GRIN2B: variants seen among roughly 807,000 people sequenced by gnomAD.
GRIN2B encodes glutamate receptor ionotropic, NMDA 2B.
GRIN2B carries 5 observed loss-of-function variants against 114.5 expected under a neutral mutation model. The observed-to-expected ratio is 0.04, with a 90% confidence interval of 0.02 to 0.09. The LOEUF (loss-of-function observed/expected upper bound fraction) is 0.09. Among genes scored for constraint, GRIN2B ranks in the 10% least tolerant of loss-of-function variants. The pLI is 1.00. For synonymous variants in GRIN2B, 787 were observed against 745.1 expected (o/e 1.06, Z -0.92); for missense variants, 1,108 against 1,943.5 (o/e 0.57, Z 8.08).
chr12:13,977,811 C>A (rs1863054168), intron 2 of GRIN2B, among the ~76,000 whole-genome samples: 1 of 152,180 alleles, frequency 6.6e-6, no homozygotes, highest in Non-Finnish European at 1.5e-5. Context: ...TGAAAAGGCA[C>A]AGACCACCTG....
chr12:13,595,546 G>C (rs1454573291), intron 10 of GRIN2B, among the ~76,000 whole-genome samples: 1 of 152,198 alleles, frequency 6.6e-6, no homozygotes, highest in Admixed American at 6.5e-5. Context: ...GTTGCACCAG[G>C]TAATGGTGCT....
intron 3 of GRIN2B, among the ~76,000 whole-genome samples, chr12:13,801,814 T>C (rs1401853665): frequency 6.6e-6 from 1 of 152,176 alleles, no homozygotes; most frequent in Non-Finnish European, 1.5e-5. Context: ...CTGTCTTACA[T>C]GTCATCCATC....
At chr12:13,826,023 CTTCTT>C (rs890269099) in intron 3 of GRIN2B, among the ~76,000 whole-genome samples, 6 of 151,230 alleles carry the variant, frequency 4.0e-5, no homozygotes, top group Admixed American at 2.6e-4. Flanking sequence ...GTCTTTGTTT[CTTCTT>C]TTTTTTTCTT....
chr12:13,718,684 C>T (rs77076404), intron 4 of GRIN2B, among the ~76,000 whole-genome samples: 8,419 of 152,134 alleles, frequency 0.055, 323 homozygotes, highest in East Asian at 0.17. Context: ...TCTAGACAAT[C>T]ACATGATATC....
intron 3 of GRIN2B, among the ~76,000 whole-genome samples, chr12:13,824,858 A>G (rs1865002862): frequency 6.8e-6 from 1 of 147,262 alleles, no homozygotes; most frequent in Non-Finnish European, 1.5e-5. Context: ...TCCATTTCAA[A>G]AAAAAAAAAA....
At chr12:13,855,555 C>G (rs958215956) in intron 3 of GRIN2B, among the ~76,000 whole-genome samples, 32 of 152,156 alleles carry the variant, frequency 2.1e-4, no homozygotes, top group African/African-American at 5.8e-4. Flanking sequence ...AGGGGAGATT[C>G]CTTCCTTGCC....
At chr12:13,953,823 C>G (rs1471616688) in intron 2 of GRIN2B, among the ~76,000 whole-genome samples, 1 of 152,172 alleles carries the variant, frequency 6.6e-6, no homozygotes. Context: ...TGGCCATGCC[C>G]CATTTAGCTT....
chr12:13,908,814 A>C (rs551480167), intron 2 of GRIN2B, among the ~76,000 whole-genome samples: 23 of 152,316 alleles, frequency 1.5e-4, no homozygotes, highest in African/African-American at 4.6e-4. Context: ...ACATCTCACA[A>C]AACACACACC....
chr12:13,809,802 C>A (rs898438980), intron 3 of GRIN2B, among the ~76,000 whole-genome samples: 1 of 152,250 alleles, frequency 6.6e-6, no homozygotes, highest in Non-Finnish European at 1.5e-5. Context: ...CCCACTCCCA[C>A]TGTCTAATCT....
At chr12:13,599,330 C>G (rs921710446) in intron 10 of GRIN2B, among the ~76,000 whole-genome samples, 6 of 152,126 alleles carry the variant, frequency 3.9e-5, no homozygotes, top group Admixed American at 3.9e-4. Context: ...GGCTGCACAC[C>G]TTTTCCACTC....
chr12:13,909,142 G>C (rs1866591064), intron 2 of GRIN2B, among the ~76,000 whole-genome samples: 2 of 152,128 alleles, frequency 1.3e-5, no homozygotes, highest in Non-Finnish European at 2.9e-5. Flanking sequence ...CAGCACAAAG[G>C]GCAAAATTTT....
At chr12:13,804,167 T>TG (rs1198832321) in intron 3 of GRIN2B, among the ~76,000 whole-genome samples, 3 of 152,002 alleles carry the variant, frequency 2.0e-5, no homozygotes, top group Non-Finnish European at 4.4e-5. Flanking sequence ...CTTTTTTTTT[T>TG]TTGTTAGTGA....
chr12:13,916,757 G>GTA (rs1555156766), intron 2 of GRIN2B, among the ~76,000 whole-genome samples: 1 of 149,218 alleles, frequency 6.7e-6, no homozygotes, highest in African/African-American at 2.5e-5. Flanking sequence ...GTGTGTGTGT[G>GTA]TGTATTTTAA....
At chr12:13,938,052 A>G (rs1867159868) in intron 2 of GRIN2B, among the ~76,000 whole-genome samples, 1 of 152,162 alleles carries the variant, frequency 6.6e-6, no homozygotes, top group Non-Finnish European at 1.5e-5. Flanking sequence ...ACCACTAAAA[A>G]GATACTAAGT....
chr12:13,557,371 G>A lies in GRIN2B; in HGVS notation c.*5412C>T, dbSNP rs1034890716. Reference sequence around the variant, plus strand: ...ACCAGATAACAGGGCACCCCCTATGGAGGTGGAAAGTATAGGATATAGACC... The same window carrying A: ...ACCAGATAACAGGGCACCCCCTATGAAGGTGGAAAGTATAGGATATAGACC... On this transcript the variant is annotated 3_prime_UTR_variant, in exon 14 of 14. Transcript: ENST00000609686. 1 of 152,176 alleles carries A rather than the reference G, an allele frequency of 6.6e-6. No homozygotes were observed. The highest frequency in any genetic ancestry group is 1.5e-5 in the Non-Finnish European group (1 of 68,040). The allele number at this position is 152,176 out of a possible 1,614,324, so 9.4% of individuals were successfully genotyped here.
chr12:13,563,564 T>G lies in GRIN2B; in HGVS notation c.3674A>C (p.Tyr1225Ser). 1 of 1,613,542 alleles carries G rather than the reference T, an allele frequency of 6.2e-7. No homozygotes were observed. The highest frequency in any genetic ancestry group is 1.3e-5 in the African/African-American group (1 of 74,816). ...GTTCTGACCCGTCACCGTCGTGGAGTAGTTGTGCAGCTTGGAGGGACAGCT... is the reference window on the plus strand; with the variant it reads ...GTTCTGACCCGTCACCGTCGTGGAGGAGTTGTGCAGCTTGGAGGGACAGCT... ...CRSCPSKLHN[Y>S]STTVTGQNSG... Residue 1225 changes from tyrosine (Y) to serine (S), a missense_variant, in exon 14 of 14, where the codon TAC becomes TCC. Transcript: ENST00000609686.
intron 2 of GRIN2B, among the ~76,000 whole-genome samples, chr12:13,979,632 C>T (rs1863095952): frequency 1.3e-5 from 2 of 151,938 alleles, no homozygotes. Context: ...GGTCTCCTGG[C>T]TGGCTATGTC....
chr12:13,839,487 T>C (rs1185745221), intron 3 of GRIN2B, among the ~76,000 whole-genome samples: 1 of 152,212 alleles, frequency 6.6e-6, no homozygotes, highest in East Asian at 1.9e-4. Flanking sequence ...CTAGCCAGAA[T>C]ATGAACAATA....
At chr12:13,636,493 G>C (rs1328225875) in intron 5 of GRIN2B, among the ~76,000 whole-genome samples, 1 of 152,194 alleles carries the variant, frequency 6.6e-6, no homozygotes, top group Non-Finnish European at 1.5e-5. Context: ...CAAAAGACAA[G>C]GGAACAGGTG....
Sources: gnomAD v4.1 joint callset for allele counts (sites outside exome capture counted in the v4.1 genomes callset) on GRCh38, gnomAD v4.1.1 for gene constraint, MANE v1.5 for transcripts, NCBI Gene and HGNC (gene_info 2026-07-23, HGNC 2026-07-21) for gene names.